METTL8: variants seen among roughly 807,000 people sequenced by gnomAD.
METTL8 encodes tRNA N(3)-cytidine methyltransferase METTL8, mitochondrial.
In METTL8, 32 loss-of-function variants were observed where a neutral mutation model predicts 48.7. The ratio of observed to expected loss-of-function variants is 0.66; its 90% CI spans 0.50 to 0.88. METTL8 has a LOEUF of 0.88. Among genes scored for constraint, METTL8 ranks in the 40% least tolerant of loss-of-function variants. The pLI is 0.00. For missense variants in METTL8, 464 were observed against 474.4 expected (o/e 0.98, Z 0.20); for synonymous variants, 136 against 157.1 (o/e 0.87, Z 1.01).
At chr2:171,338,966 T>A (rs544485981) in intron 4 of METTL8, among the ~76,000 whole-genome samples, 59 of 151,776 alleles carry the variant, frequency 3.9e-4, no homozygotes, top group South Asian at 1.2e-3. Flanking sequence ...TTTTTTTTTT[T>A]AAAAACCAGC....
intron 1 of METTL8, among the ~76,000 whole-genome samples, chr2:171,428,065 T>C (rs1171935009): frequency 2.6e-5 from 4 of 152,218 alleles, no homozygotes; most frequent in African/African-American, 7.2e-5. Flanking sequence ...TTCTTTCTTG[T>C]CTTTAAAATA....
Position 171,323,068 on chromosome 2 carries a change from CTTGTACTGACT to C in METTL8, c.*1093_*1103del, listed in dbSNP as rs1684611975. 1.3e-5 allele frequency: 2 copies of C among 152,128 alleles called. No homozygotes were observed. The highest frequency in any genetic ancestry group is 4.8e-5 in the African/African-American group (2 of 41,414). 9.4% of individuals were successfully genotyped at this position (152,128 alleles called of 1,614,324 possible). A position where few individuals can be genotyped will look rare whatever the true frequency, so the allele number is the denominator to read the frequency against. Reference sequence around the variant, plus strand: ...TCAGCAAGGTCTGTATGACCTGTATCTTGTACTGACTTCCTATCTCATCCTGTGACTAAGAA... The same window carrying C: ...TCAGCAAGGTCTGTATGACCTGTATCTCCTATCTCATCCTGTGACTAAGAA... On this transcript the variant is annotated 3_prime_UTR_variant, in exon 10 of 10. Transcript: ENST00000375258.
rs74680158 is a variant in METTL8 at position 171,397,206 on chromosome 2, A to G, written c.-12-5009T>C. Among the ~76,000 whole-genome samples, 1,139 of 151,818 alleles carry G rather than the reference A, an allele frequency of 7.5e-3. 77 individuals are homozygous for G. In the East Asian group the frequency reaches 0.17, roughly 22 times the overall value. Reference sequence around the variant, plus strand: ...AAGAAGGAAATAATAAAAAATAAAAACAGAAAGCAATGAAATAGAAAACAG... The same window carrying G: ...AAGAAGGAAATAATAAAAAATAAAAGCAGAAAGCAATGAAATAGAAAACAG... On this transcript the variant is annotated intron_variant, in intron 1 of 9. Transcript: ENST00000375258.
At chr2:171,354,670 T>C (rs1684327294) in intron 3 of METTL8, among the ~76,000 whole-genome samples, 1 of 152,376 alleles carries the variant, frequency 6.6e-6, no homozygotes, top group Middle Eastern at 3.4e-3. Flanking sequence ...TTTTACTCTT[T>C]TTTCTCTAAA....
chr2:171,392,018 T>C, intron 2 of METTL8, 25 bp downstream of exon 2: 1 of 1,540,130 alleles, frequency 6.5e-7, no homozygotes, highest in Non-Finnish European at 8.8e-7. Flanking sequence ...ACACACATAA[T>C]ATCAGATTTA....
chr2:171,392,303 G>A, intron 1 of METTL8, 106 bp from the exon 2 acceptor site: 2 of 839,214 alleles, frequency 2.4e-6, no homozygotes, highest in Non-Finnish European at 3.5e-6. Context: ...GAATGCACAT[G>A]AAAACTAGAA....
At chr2:171,375,804 G>T (rs192884741) in intron 2 of METTL8, among the ~76,000 whole-genome samples, 8 of 152,240 alleles carry the variant, frequency 5.3e-5, no homozygotes, top group Admixed American at 5.2e-4. Context: ...CAGACAAAAA[G>T]ATAAAACATA....
chr2:171,372,978 T>C (rs1686531657), intron 2 of METTL8, among the ~76,000 whole-genome samples: 1 of 152,238 alleles, frequency 6.6e-6, no homozygotes, highest in Non-Finnish European at 1.5e-5. Context: ...GCATGATTTA[T>C]AATCCTTTGG....
At chr2:171,355,350 C>T (rs922394234) in intron 3 of METTL8, among the ~76,000 whole-genome samples, 1 of 152,116 alleles carries the variant, frequency 6.6e-6, no homozygotes, top group African/African-American at 2.4e-5. Context: ...AGAGGGGTAC[C>T]TGTCCGTATG....
intron 6 of METTL8, 66 bp from the exon 7 acceptor site, chr2:171,330,764 TAAA>T: frequency 1.3e-5 from 17 of 1,280,828 alleles, no homozygotes; most frequent in Non-Finnish European, 1.7e-5. Flanking sequence ...TTTTTTTTTT[TAAA>T]TAAAAAGGTC....
intron 3 of METTL8, among the ~76,000 whole-genome samples, chr2:171,347,043 T>C (rs1382198708): frequency 1.3e-5 from 2 of 152,236 alleles, no homozygotes; most frequent in Non-Finnish European, 2.9e-5. Context: ...ACCCCCATAA[T>C]GTGTTCCTTC....
intron 3 of METTL8, among the ~76,000 whole-genome samples, chr2:171,347,349 T>C (rs1260461662): frequency 1.3e-5 from 2 of 152,178 alleles, no homozygotes; most frequent in East Asian, 1.9e-4. Flanking sequence ...TACGGTTCTA[T>C]GGGAACTGTC....
At chr2:171,374,627 C>T (rs1291086887) in intron 2 of METTL8, among the ~76,000 whole-genome samples, 1 of 152,070 alleles carries the variant, frequency 6.6e-6, no homozygotes, top group East Asian at 1.9e-4. Context: ...TTTCCTTGTG[C>T]CCCTTTGTAA....
Position 171,377,851 on chromosome 2 carries a change from C to A in METTL8, c.143+14192G>T, listed in dbSNP as rs151263880. 1.4e-3 allele frequency among the ~76,000 whole-genome samples: 212 copies of A among 152,222 alleles called. 4 individuals carry two copies. The East Asian group carries it at 0.015, about 11-fold the overall frequency. On this transcript the variant is annotated intron_variant, in intron 2 of 9. Transcript: ENST00000375258. ...CTTAAAGAACTAAAAGCAGAACTAC[C>A]ATTTGATCCAGCAATCCCATTACTG... is the stretch of plus-strand genomic sequence containing the variant.
At chr2:171,342,178 CT>C (rs1237839650) in intron 3 of METTL8, among the ~76,000 whole-genome samples, 2 of 152,176 alleles carry the variant, frequency 1.3e-5, no homozygotes, top group African/African-American at 2.4e-5. Context: ...CCAATTTTAT[CT>C]TTATGGCCTT....
chr2:171,399,900 A>T (rs1218270233), intron 1 of METTL8, among the ~76,000 whole-genome samples: 1 of 152,114 alleles, frequency 6.6e-6, no homozygotes, highest in Non-Finnish European at 1.5e-5. Flanking sequence ...GCACTTTTGG[A>T]GGCTGAGGCA....
intron 1 of METTL8, among the ~76,000 whole-genome samples, chr2:171,424,982 G>A (rs536857768): frequency 1.5e-3 from 226 of 152,186 alleles, no homozygotes; most frequent in African/African-American, 5.1e-3. Flanking sequence ...TCATGGGGGT[G>A]GTTACCCTCA....
At chr2:171,380,206 T>C (rs571355050) in intron 2 of METTL8, among the ~76,000 whole-genome samples, 74 of 152,326 alleles carry the variant, frequency 4.9e-4, no homozygotes, top group Non-Finnish European at 9.7e-4. Flanking sequence ...CATCCCTTCA[T>C]GTTAAAAACT....
intron 1 of METTL8, among the ~76,000 whole-genome samples, chr2:171,422,990 AG>A: frequency 6.6e-6 from 1 of 152,286 alleles, no homozygotes. Context: ...ATGTTGTGGG[AG>A]GGACACAGTG....
Sources: allele counts gnomAD v4.1 joint callset (sites outside exome capture counted in the v4.1 genomes callset), GRCh38; gene constraint gnomAD v4.1.1; transcripts MANE v1.5; gene names NCBI Gene and HGNC (gene_info 2026-07-23, HGNC 2026-07-21).